SIGLEC5: variants seen among roughly 807,000 people sequenced by gnomAD.
The protein encoded by SIGLEC5 is sialic acid binding Ig like lectin 5.
In SIGLEC5, 34 loss-of-function variants were observed where a neutral mutation model predicts 45.9. That is an observed-to-expected ratio of 0.74 (90% CI 0.56 to 0.99). The LOEUF (loss-of-function observed/expected upper bound fraction) is 0.99, where lower values mean the gene tolerates loss of function less well. Among genes scored for constraint, SIGLEC5 ranks in the 50% least tolerant of loss-of-function variants. The pLI is 0.00. For missense variants in SIGLEC5, 508 were observed against 629.6 expected (o/e 0.81, Z 2.07); for synonymous variants, 203 against 258.6 (o/e 0.79, Z 2.06).
In SIGLEC5 at chr19:51,629,885, T is replaced by C. The variant is rs748182329; in HGVS notation, c.369A>G (p.Gly123=). Residue 123 remains glycine, a synonymous_variant, in exon 2 of 9, where the codon GGA becomes GGG. Coordinates refer to ENST00000683636, the MANE Select transcript of SIGLEC5 (RefSeq NM_003830.4). ...GTTGGTAGCTATATTTTACATCCCT[T>C]CCTCTCTCCACGCGGAAGAAATAGC... The part of the protein sequence containing the change: ...TGSYFFRVER[G]RDVKYSYQQN... The C allele has an allele frequency of 2.4e-6, 3 of 1,228,882 alleles. No homozygotes were observed. Among genetic ancestry groups the C allele is most frequent in the South Asian group, 1.2e-5 (1 of 81,750 alleles). The allele number at this position is 1,228,882 out of a possible 1,614,324, so 76.1% of individuals were successfully genotyped here.
intron 7 of SIGLEC5, among the ~76,000 whole-genome samples, 178 bp downstream of exon 7, chr19:51,626,971 C>G (rs187765055): frequency 7.4e-4 from 113 of 152,230 alleles, no homozygotes; most frequent in African/African-American, 2.7e-3. Context: ...TTGGCACAAT[C>G]CTGGCTCACT....
At chr19:51,617,303 G>A (rs1482056860) in intron 8 of SIGLEC5, among the ~76,000 whole-genome samples, 2 of 151,352 alleles carry the variant, frequency 1.3e-5, no homozygotes, top group Non-Finnish European at 2.9e-5. Context: ...AAAAATAGTG[G>A]AAACAAAATT....
rs528680868 is a variant in SIGLEC5 at position 51,627,874 on chromosome 19, C to G, written c.957G>C (p.Pro319=). 3 of 1,610,990 alleles carry G rather than the reference C, an allele frequency of 1.9e-6. No homozygotes were observed. Among genetic ancestry groups the G allele is most frequent in the Non-Finnish European group, 2.5e-6 (3 of 1,178,682 alleles). ...TCAGAAAAATTTGCAGGAAGCCCAGCGGGTGCTGAGCGCGGCAGGTGAAGC... is the reference window on the plus strand; with the variant it reads ...TCAGAAAAATTTGCAGGAAGCCCAGGGGGTGCTGAGCGCGGCAGGTGAAGC... ...EGGFTCRAQH[P]LGFLQIFLNL... is the part of the protein sequence containing the mutation. The change falls in exon 5 of 9, where the codon CCG becomes CCC. Residue 319 remains proline (P), a synonymous_variant. Transcript: ENST00000683636.
chr19:51,616,560 G>C (rs1983061742), intron 8 of SIGLEC5, among the ~76,000 whole-genome samples: 1 of 152,148 alleles, frequency 6.6e-6, no homozygotes, highest in South Asian at 2.1e-4. Flanking sequence ...CTAAAAGGAA[G>C]TAGGGAAGGA....
At chr19:51,626,232 A>C in intron 7 of SIGLEC5, 119 bp from the exon 8 acceptor site, 1 of 746,950 alleles carries the variant, frequency 1.3e-6, no homozygotes, top group Non-Finnish European at 2.3e-6. Flanking sequence ...CCGGAACTAA[A>C]CTCGGAGACC....
chr19:51,627,850 C>G lies in SIGLEC5; in HGVS notation c.981G>C (p.Leu327=). Residue 327 remains leucine (L), a synonymous_variant, in exon 5 of 9, where the codon CTG becomes CTC. Transcript: ENST00000683636. Reference sequence around the variant, plus strand: ...CACACTCACAGTAAACTGAGAGATTCAGAAAAATTTGCAGGAAGCCCAGCG... The same window carrying G: ...CACACTCACAGTAAACTGAGAGATTGAGAAAAATTTGCAGGAAGCCCAGCG... ...QHPLGFLQIF[L]NLSVYSLPQL... The G allele has an allele frequency of 6.2e-7, 1 of 1,606,056 alleles. No homozygotes were observed. The highest frequency in any genetic ancestry group is 8.5e-7 in the Non-Finnish European group (1 of 1,175,980).
In SIGLEC5 at chr19:51,627,709, C is replaced by G; in HGVS notation, c.1035G>C (p.Glu345Asp). Residue 345 changes from glutamate (E) to aspartate (D), a missense_variant, in exon 6 of 9, where the codon GAG becomes GAC. Coordinates refer to ENST00000683636, the MANE Select transcript of SIGLEC5 (RefSeq NM_003830.4). ...AGCATCTGCAGTGCAGACCCTCAGC[C>G]TCCCAGGAGCAGGAGGGGCCCAGCA... ...PQLLGPSCSW[E>D]AEGLHCRCSF... 2 of 1,599,530 alleles carry G rather than the reference C, an allele frequency of 1.3e-6. No individual in the cohort carries two copies. Among genetic ancestry groups the G allele is most frequent in the African/African-American group, 2.7e-5 (2 of 74,704 alleles).
intron 8 of SIGLEC5, among the ~76,000 whole-genome samples, chr19:51,623,671 G>A (rs941860894): frequency 5.3e-5 from 8 of 152,196 alleles, no homozygotes; most frequent in African/African-American, 1.9e-4. Flanking sequence ...ATAGATGAGA[G>A]TATAAATGGA....
In SIGLEC5 at chr19:51,612,324, G is replaced by A. The variant is rs1355700282; in HGVS notation, c.1563C>T (p.Ala521=). The part of the protein sequence containing the change: ...PLEEQKELHY[A]SLSFSEMKSR... ...ACTTCATCTCAGAAAAACTAAGGGA[G>A]GCATAATGGAGCTCCTTTTGTTCTT... Residue 521 remains alanine (A), a synonymous_variant, in exon 9 of 9, where the codon GCC becomes GCT. Coordinates refer to ENST00000683636, the MANE Select transcript of SIGLEC5 (RefSeq NM_003830.4). The A allele has an allele frequency of 1.9e-5, 30 of 1,613,160 alleles. No homozygotes were observed. The South Asian group carries it at 2.3e-4, about 12-fold the overall frequency.
In SIGLEC5 at chr19:51,627,471, G is replaced by A; in HGVS notation, c.1273C>T (p.Leu425=). Residue 425 remains leucine, a synonymous_variant, in exon 6 of 9, where the codon CTG becomes TTG. Transcript: ENST00000683636. ...CAATACGCCCCCTGACCTTGCAGCAGCAGGACAGAGCCGCTCTGGGACCCA... is the reference window on the plus strand; with the variant it reads ...CAATACGCCCCCTGACCTTGCAGCAACAGGACAGAGCCGCTCTGGGACCCA... ...IYGSQSGSVL[L]LQGRSNLGTG... 6.2e-7 allele frequency: 1 copy of A among 1,612,456 alleles called. No homozygotes were observed. Among genetic ancestry groups the A allele is most frequent in the Non-Finnish European group, 8.5e-7 (1 of 1,179,192 alleles).
At position 51,628,734 on chromosome 19, in the gene SIGLEC5, ATGTGTGCC is replaced by A. The variant is rs563104271; in HGVS notation, c.739+296_739+303del. ...GTGCATATGTGTGTGGTGTGTGTGC[ATGTGTGCC>A]TGTGTGCATGTGTGTGTGTATGTGC... On this transcript the variant is annotated intron_variant, in intron 4 of 8. Transcript: ENST00000683636. 9.7e-4 allele frequency among the ~76,000 whole-genome samples: 130 copies of A among 133,680 alleles called. 1 individual carries two copies. Among genetic ancestry groups the A allele is most frequent in the African/African-American group, 3.6e-3 (125 of 34,482 alleles). 87.7% of individuals were successfully genotyped at this position (133,680 alleles called of 152,430 possible). A position where few individuals can be genotyped will look rare whatever the true frequency, so the allele number is the denominator to read the frequency against.
intron 8 of SIGLEC5, among the ~76,000 whole-genome samples, chr19:51,616,465 G>A (rs1023975273): frequency 1.3e-5 from 2 of 152,166 alleles, no homozygotes; most frequent in African/African-American, 2.4e-5. Flanking sequence ...AATATCATAG[G>A]AAGAGCCCAA....
chr19:51,623,521 A>C (rs1310589551), intron 8 of SIGLEC5, among the ~76,000 whole-genome samples: 1 of 152,192 alleles, frequency 6.6e-6, no homozygotes, highest in Non-Finnish European at 1.5e-5. Context: ...GTTTTATAGA[A>C]GATGAAAGCA....
chr19:51,625,993 G>A (rs149252288), intron 8 of SIGLEC5, 39 bp downstream of exon 8: 118 of 1,547,468 alleles, frequency 7.6e-5, no homozygotes, highest in Middle Eastern at 7.1e-4. Context: ...TGGACTTTCC[G>A]AGTGGACATG....
chr19:51,617,123 C>T (rs560763798), intron 8 of SIGLEC5, among the ~76,000 whole-genome samples: 20 of 150,608 alleles, frequency 1.3e-4, no homozygotes, highest in Middle Eastern at 3.3e-3. Flanking sequence ...GGCATGGTGG[C>T]GGGCGCCTGT....
chr19:51,618,442 C>CAAAAAAAAAAAAA (rs1983146917), intron 8 of SIGLEC5, among the ~76,000 whole-genome samples: 1 of 29,086 alleles, frequency 3.4e-5, no homozygotes, highest in Non-Finnish European at 8.3e-5. Flanking sequence ...GAGACCCTGC[C>CAAAAAAAAAAAAA]TAAAAAAAAA....
At position 51,627,137 on chromosome 19, in the gene SIGLEC5, A is replaced by C. The variant is rs1435136582; in HGVS notation, c.1382+12T>G. 6.2e-7 allele frequency: 1 copy of C among 1,607,392 alleles called. No individual in the cohort carries two copies. The highest frequency in any genetic ancestry group is 8.5e-7 in the Non-Finnish European group (1 of 1,174,142). On this transcript the variant is annotated intron_variant, in intron 7 of 8. Coordinates refer to ENST00000683636, the MANE Select transcript of SIGLEC5 (RefSeq NM_003830.4). ...AACACCACCCTGTACCTTCCCTGGG[A>C]CCAAGACTTACATTAAAAAGAAGAT... is the stretch of plus-strand genomic sequence containing the variant.
chr19:51,616,373 A>G (rs989210810), intron 8 of SIGLEC5, among the ~76,000 whole-genome samples: 1 of 152,264 alleles, frequency 6.6e-6, no homozygotes, highest in Non-Finnish European at 1.5e-5. Context: ...CAAAGTGTGC[A>G]TGCAAAATGA....
At chr19:51,616,930 A>C (rs865826529) in intron 8 of SIGLEC5, among the ~76,000 whole-genome samples, 4 of 148,802 alleles carry the variant, frequency 2.7e-5, no homozygotes, top group South Asian at 4.2e-4. Context: ...AAAAAAAAAA[A>C]ACACTTGAAC....
Sources: allele counts gnomAD v4.1 joint callset (sites outside exome capture counted in the v4.1 genomes callset), GRCh38; gene constraint gnomAD v4.1.1; transcripts MANE v1.5; gene names NCBI Gene and HGNC (gene_info 2026-07-23, HGNC 2026-07-21).